AKAP7: variants seen among roughly 807,000 people sequenced by gnomAD.
AKAP7 encodes the protein A-kinase anchoring protein 7, also known as A kinase (PRKA) anchor protein 7.
A neutral mutation model predicts 39.5 loss-of-function variants in AKAP7; 39 were observed. The observed-to-expected ratio is 0.99, with a 90% CI of 0.76 to 1.29. AKAP7 has a LOEUF of 1.29. Ranked by LOEUF, AKAP7 falls within the 50% of genes most tolerant of loss-of-function variation. The pLI is 0.00. For synonymous variants in AKAP7, 140 were observed against 139.1 expected, an observed-to-expected ratio of 1.01 and a Z score of -0.05; for missense variants, 414 against 407.7, an observed-to-expected ratio of 1.02 and a Z score of -0.13.
intron 2 of AKAP7, among the ~76,000 whole-genome samples, chr6:131,148,369 T>C (rs1801640902): frequency 6.6e-6 from 1 of 152,188 alleles, no homozygotes; most frequent in Non-Finnish European, 1.5e-5. Flanking sequence ...AACTTATACA[T>C]GGGCAGCGTG....
At chr6:131,146,701 C>G (rs1801515099) in intron 2 of AKAP7, among the ~76,000 whole-genome samples, 1 of 152,122 alleles carries the variant, frequency 6.6e-6, no homozygotes, top group Non-Finnish European at 1.5e-5. Context: ...ATGACTAGGG[C>G]TCTGTGGCAT....
intron 5 of AKAP7, among the ~76,000 whole-genome samples, chr6:131,198,450 T>G (rs1193233088): frequency 6.6e-6 from 1 of 152,210 alleles, no homozygotes; most frequent in African/African-American, 2.4e-5. Context: ...TTGGGCATTG[T>G]TCTGGTACAC....
chr6:131,172,247 G>A (rs1184335946), intron 5 of AKAP7, among the ~76,000 whole-genome samples: 2 of 152,202 alleles, frequency 1.3e-5, no homozygotes, highest in African/African-American at 4.8e-5. Context: ...AACAAGAACA[G>A]TAGAGACATG....
At chr6:131,234,816 A>G (rs765517445) in intron 7 of AKAP7, among the ~76,000 whole-genome samples, 2 of 148,356 alleles carry the variant, frequency 1.3e-5, no homozygotes, top group Non-Finnish European at 3.0e-5. Flanking sequence ...CTGGTAGGCA[A>G]CTCTGTAAAG....
chr6:131,184,665 C>A (rs1805640256), intron 5 of AKAP7: 2 of 772,294 alleles, frequency 2.6e-6, no homozygotes, highest in Middle Eastern at 2.3e-4. Context: ...TCTTTGAGTT[C>A]CCCAGGCAGA....
rs144093362 is a variant in AKAP7 at position 131,249,300 on chromosome 6, A to G, written c.850+29492A>G. Among the ~76,000 whole-genome samples, 1,064 of 152,286 alleles carry G rather than the reference A, an allele frequency of 7.0e-3. 5 individuals are homozygous for G. The highest frequency in any genetic ancestry group is 0.012 in the Non-Finnish European group (827 of 68,028). On this transcript the variant is annotated intron_variant, in intron 7 of 7. Coordinates refer to ENST00000431975, the MANE Select transcript of AKAP7 (RefSeq NM_016377.4). ...AAATTATCAAAATTCTATCTTTCAG[A>G]AAAAAAGCATTGAAAACAGATACTA...
chr6:131,154,659 A>G (rs189223905), intron 2 of AKAP7, among the ~76,000 whole-genome samples: 2 of 152,230 alleles, frequency 1.3e-5, no homozygotes, highest in African/African-American at 4.8e-5. Context: ...AATCTTTAAG[A>G]AAAAATTCAA....
At chr6:131,223,443 T>C (rs530175600) in intron 7 of AKAP7, among the ~76,000 whole-genome samples, 1 of 152,338 alleles carries the variant, frequency 6.6e-6, no homozygotes, top group South Asian at 2.1e-4. Context: ...ATTTTACCTT[T>C]CAAAGACTTC....
the AKAP7 span, among the ~76,000 whole-genome samples, chr6:131,127,940 C>T: frequency 3.3e-5 from 5 of 152,168 alleles, no homozygotes; most frequent in Non-Finnish European, 7.3e-5. Flanking sequence ...AAACCAAATA[C>T]TGCATGTTCT....
At chr6:131,275,041 C>T (rs1442657432) in intron 7 of AKAP7, among the ~76,000 whole-genome samples, 1 of 152,160 alleles carries the variant, frequency 6.6e-6, no homozygotes, top group Non-Finnish European at 1.5e-5. Flanking sequence ...GGTCATCCTC[C>T]TAGACTGACT....
intron 7 of AKAP7, among the ~76,000 whole-genome samples, chr6:131,256,489 T>C (rs990090670): frequency 1.3e-5 from 2 of 152,138 alleles, no homozygotes; most frequent in Non-Finnish European, 2.9e-5. Context: ...TTGAATAATT[T>C]CCATGAGGAA....
intron 7 of AKAP7, among the ~76,000 whole-genome samples, chr6:131,254,814 C>G (rs138912727): frequency 6.6e-6 from 1 of 152,242 alleles, no homozygotes; most frequent in East Asian, 1.9e-4. Context: ...TAACAAGACA[C>G]ATTTTAATTT....
intron 7 of AKAP7, 102 bp downstream of exon 7, chr6:131,219,910 A>C: frequency 2.6e-6 from 2 of 778,286 alleles, no homozygotes. Context: ...CGTTTTTCTC[A>C]ATGATATACT....
chr6:131,245,747 G>A (rs563102501), intron 7 of AKAP7, among the ~76,000 whole-genome samples: 10 of 152,186 alleles, frequency 6.6e-5, no homozygotes, highest in Admixed American at 5.9e-4. Context: ...TTTCTAAATT[G>A]TCTCTTTTAT....
intron 6 of AKAP7, among the ~76,000 whole-genome samples, chr6:131,219,427 A>G (rs1809507283): frequency 6.6e-6 from 1 of 152,188 alleles, no homozygotes; most frequent in Non-Finnish European, 1.5e-5. Context: ...GAAAACTGCC[A>G]AATTTAAACC....
intron 7 of AKAP7, among the ~76,000 whole-genome samples, chr6:131,276,327 C>CT (rs1255475948): frequency 8.6e-5 from 13 of 152,016 alleles, no homozygotes; most frequent in Admixed American, 6.6e-4. Flanking sequence ...TGCAGGAACT[C>CT]TGTTTCCTGG....
intron 5 of AKAP7, among the ~76,000 whole-genome samples, chr6:131,194,736 G>A (rs1423885392): frequency 1.3e-5 from 2 of 152,014 alleles, no homozygotes; most frequent in Admixed American, 6.6e-5. Context: ...GTGTAAATAT[G>A]TTTACAATTG....
chr6:131,151,602 C>T (rs190493728), intron 2 of AKAP7, among the ~76,000 whole-genome samples: 165 of 151,744 alleles, frequency 1.1e-3, no homozygotes, highest in Non-Finnish European at 1.7e-3. Context: ...AAAAATTAGC[C>T]GAGTGTGGTG....
At chr6:131,258,175 A>G (rs1038166582) in intron 7 of AKAP7, among the ~76,000 whole-genome samples, 2 of 152,314 alleles carry the variant, frequency 1.3e-5, no homozygotes, top group East Asian at 3.9e-4. Context: ...GTTCACTTCA[A>G]TTAATGTTGT....
Sources: allele counts gnomAD v4.1 joint callset (sites outside exome capture counted in the v4.1 genomes callset), GRCh38; gene constraint gnomAD v4.1.1; transcripts MANE v1.5; gene names NCBI Gene and HGNC (gene_info 2026-07-23, HGNC 2026-07-21).